The following CEP192 variants were observed in gnomAD, a reference collection of about 807,000 sequenced individuals.
CEP192 encodes the protein centrosomal protein of 192 kDa.
A neutral mutation model predicts 271.8 loss-of-function variants in CEP192; 151 were observed. The observed-to-expected ratio is 0.56, with a 90% confidence interval of 0.49 to 0.64. CEP192 has a LOEUF of 0.64. Among genes scored for constraint, CEP192 ranks in the 30% least tolerant of loss-of-function variants. CEP192 has a pLI of 0.00. For missense variants in CEP192, 2,910 were observed against 3,020.5 expected, an observed-to-expected ratio of 0.96 and a Z score of 0.86; for synonymous variants, 995 against 1,076.5, an observed-to-expected ratio of 0.92 and a Z score of 1.48.
chr18:13,077,255 C>T (rs2038340396), intron 30 of CEP192, among the ~76,000 whole-genome samples: 2 of 152,166 alleles, frequency 1.3e-5, no homozygotes, highest in African/African-American at 4.8e-5. Flanking sequence ...GATTGAGTAT[C>T]CCTAATCTGA....
At chr18:13,069,273 C>A in intron 26 of CEP192, 92 bp downstream of exon 26, 1 of 1,036,698 alleles carries the variant, frequency 9.6e-7, no homozygotes, top group Non-Finnish European at 1.5e-6. Flanking sequence ...CTTCCTGGCC[C>A]AACAGAGTGC....
intron 10 of CEP192, 111 bp downstream of exon 10, chr18:13,030,113 GT>G: frequency 1.1e-6 from 1 of 942,042 alleles, no homozygotes; most frequent in South Asian, 1.8e-5. Context: ...ATATTTTAGT[GT>G]TTTATAGTTT....
At chr18:13,052,849 A>G in intron 17 of CEP192, 70 bp from the exon 18 acceptor site, 3 of 1,211,296 alleles carry the variant, frequency 2.5e-6, no homozygotes, top group Non-Finnish European at 3.4e-6. Context: ...GCCCATAGGA[A>G]TGGTTTTTTG....
chr18:13,017,276 C>A lies in CEP192; in HGVS notation c.729C>A (p.Asp243Glu), dbSNP rs184818985. 2.3e-5 allele frequency: 35 copies of A among 1,550,278 alleles called. No homozygotes were observed. Among genetic ancestry groups the A allele is most frequent in the Non-Finnish European group, 2.7e-5 (31 of 1,146,218 alleles). The change falls in exon 7 of 45, where the codon GAC becomes GAA. Residue 243 changes from aspartate (D) to glutamate (E), a missense_variant. Transcript: ENST00000506447. ...CAATTCCAGGAATGATATATGAAGA[C>A]CTAGAAGGACCAGAACCTCCAGAAA... ...QLAIPGMIYE[D>E]LEGPEPPEKG... is the part of the protein sequence containing the mutation.
chr18:13,000,091 C>CTCTCTCTTTTTTTTT (rs1555698196), intron 2 of CEP192, among the ~76,000 whole-genome samples: 4 of 76,750 alleles, frequency 5.2e-5, no homozygotes, highest in Admixed American at 1.8e-4. Context: ...TGTCTTCTCT[C>CTCTCTCTTTTTTTTT]TTTTTTTTTT....
rs1396116167 is a variant in CEP192, at chr18:12,999,515, A to G, written c.91A>G (p.Thr31Ala). ...TAACAGTGGGATTTTGGAAAATGTC[A>G]CTCTTTCTTCAAATCTTGGCTTGCC... ...FGNSGILENV[T>A]LSSNLGLPVA... Residue 31 changes from threonine (T) to alanine (A), a missense_variant, in exon 2 of 45, where the codon ACT becomes GCT. By Grantham distance (58) the Thr-to-Ala change is moderately conservative. Coordinates refer to ENST00000506447, the MANE Select transcript of CEP192 (RefSeq NM_032142.4). 6.4e-6 allele frequency: 10 copies of G among 1,550,950 alleles called. No homozygotes were observed. The highest frequency in any genetic ancestry group is 2.4e-5 in the South Asian group (2 of 83,968).
chr18:13,008,322 G>T, intron 3 of CEP192, 134 bp from the exon 4 acceptor site: 1 of 663,618 alleles, frequency 1.5e-6, no homozygotes, highest in Admixed American at 3.0e-5. Flanking sequence ...TTTCTGGCTA[G>T]ACTCAAATGT....
At position 13,053,995 on chromosome 18, in the gene CEP192, T is replaced by A. The variant is rs577634376; in HGVS notation, c.3189+905T>A. Among the ~76,000 whole-genome samples, 95 of 152,268 alleles carry A rather than the reference T, an allele frequency of 6.2e-4. No homozygotes were observed. In the South Asian group the frequency reaches 0.01, roughly 16 times the overall value. ...GTGCCTACCACCACATCTGGCTAAT[T>A]AAAACAAATTTTTTTAGAGATGGGG... is the stretch of plus-strand genomic sequence containing the variant. On this transcript the variant is annotated intron_variant, in intron 18 of 44. Transcript: ENST00000506447.
Position 13,049,792 on chromosome 18 carries a change from G to A in CEP192, c.2918G>A (p.Gly973Asp). 2 of 1,613,872 alleles carry A rather than the reference G, an allele frequency of 1.2e-6. No individual in the cohort carries two copies. The highest frequency in any genetic ancestry group is 1.7e-6 in the Non-Finnish European group (2 of 1,179,938). ...SDLKNTSPEH[G>D]GRGSEDEQES... ...TTGAAAAATACCTCTCCTGAGCATG[G>A]TGGACGTGGCTCAGAGGATGAGCAG... The change falls in exon 17 of 45, where the codon GGT becomes GAT. Residue 973 changes from glycine (G) to aspartate (D), a missense_variant. Coordinates refer to ENST00000506447, the MANE Select transcript of CEP192 (RefSeq NM_032142.4).
chr18:13,113,330 C>T (rs554811898), intron 40 of CEP192, among the ~76,000 whole-genome samples: 5 of 152,134 alleles, frequency 3.3e-5, no homozygotes, highest in Non-Finnish European at 5.9e-5. Context: ...TAACATTTCC[C>T]CCCACAGTAA....
At chr18:13,034,919 G>A (rs954195797) in intron 11 of CEP192, among the ~76,000 whole-genome samples, 6 of 151,858 alleles carry the variant, frequency 4.0e-5, no homozygotes, top group African/African-American at 1.5e-4. Context: ...CTGCATTGCT[G>A]CCGCTTATGA....
intron 27 of CEP192, 94 bp from the exon 28 acceptor site, chr18:13,070,945 C>A: frequency 1.0e-6 from 1 of 975,948 alleles, no homozygotes; most frequent in Non-Finnish European, 1.6e-6. Flanking sequence ...TCCCCAGCAC[C>A]CAGTTCAGTC....
chr18:13,111,692 A>G (rs2040217650), intron 40 of CEP192, among the ~76,000 whole-genome samples: 1 of 152,232 alleles, frequency 6.6e-6, no homozygotes, highest in Non-Finnish European at 1.5e-5. Flanking sequence ...AATGAAAGAC[A>G]GAGAATAGGG....
At chr18:13,044,095 T>G (rs970327581) in intron 15 of CEP192, among the ~76,000 whole-genome samples, 1 of 152,142 alleles carries the variant, frequency 6.6e-6, no homozygotes, top group Non-Finnish European at 1.5e-5. Flanking sequence ...AATATTATGT[T>G]TCTTAACTTT....
In CEP192 at chr18:13,072,713, C is replaced by T. The variant is rs185772077; in HGVS notation, c.5349-42C>T. 8 of 1,301,460 alleles carry T rather than the reference C, an allele frequency of 6.1e-6. No homozygotes were observed. In the African/African-American group the frequency reaches 1.2e-4, roughly 19 times the overall value. The allele number at this position is 1,301,460 out of a possible 1,614,324, so 80.6% of individuals were successfully genotyped here. A position where few individuals can be genotyped will look rare whatever the true frequency, so the allele number is the denominator to read the frequency against. Reference sequence around the variant, plus strand: ...TTTATTCTTATAATGGTAGCAATATCCATGGAGAAAAACCATATTTAAAAT... The same window carrying T: ...TTTATTCTTATAATGGTAGCAATATTCATGGAGAAAAACCATATTTAAAAT... On this transcript the variant is annotated intron_variant, in intron 28 of 44. Transcript: ENST00000506447.
At chr18:13,035,719 T>G (rs1358473049) in intron 11 of CEP192, among the ~76,000 whole-genome samples, 2 of 152,200 alleles carry the variant, frequency 1.3e-5, no homozygotes, top group African/African-American at 4.8e-5. Flanking sequence ...GGTTTTTAAC[T>G]TAGCTTGAGT....
intron 5 of CEP192, 35 bp from the exon 6 acceptor site, chr18:13,015,293 T>C: frequency 6.5e-7 from 1 of 1,544,836 alleles, no homozygotes; most frequent in Non-Finnish European, 8.7e-7. Context: ...GAGCCCTGAA[T>C]GTGCTTCTCT....
At chr18:13,080,447 T>C (rs898176832) in intron 30 of CEP192, among the ~76,000 whole-genome samples, 8 of 152,212 alleles carry the variant, frequency 5.3e-5, no homozygotes, top group Non-Finnish European at 8.8e-5. Flanking sequence ...TTGTCTGTTA[T>C]TGGTGTATAG....
chr18:13,097,899 AC>A (rs1245153475), intron 36 of CEP192, among the ~76,000 whole-genome samples: 2 of 152,100 alleles, frequency 1.3e-5, no homozygotes, highest in East Asian at 1.9e-4. Context: ...ATCTTGCACC[AC>A]CCTTAATCCA....
Sources: gnomAD v4.1 joint callset for allele counts (sites outside exome capture counted in the v4.1 genomes callset) on GRCh38, gnomAD v4.1.1 for gene constraint, MANE v1.5 for transcripts, NCBI Gene and HGNC (gene_info 2026-07-23, HGNC 2026-07-21) for gene names.